Variants in BICC1 observed in about 807,000 individuals in gnomAD.
BICC1 encodes BicC family RNA binding protein 1.
In BICC1, 43 loss-of-function variants were observed where a neutral mutation model predicts 111.0. That is an observed-to-expected ratio of 0.39 (90% CI 0.30 to 0.50). The LOEUF is 0.50. Among genes scored for constraint, BICC1 ranks in the 20% least tolerant of loss-of-function variants. BICC1 has a pLI of 0.88. For synonymous variants in BICC1, 467 were observed against 434.4 expected (o/e 1.07, Z -0.93); for missense variants, 1,091 against 1,203.2 (o/e 0.91, Z 1.38).
intron 2 of BICC1, among the ~76,000 whole-genome samples, chr10:58,626,044 A>T (rs1316611608): frequency 1.3e-5 from 2 of 152,224 alleles, no homozygotes; most frequent in Non-Finnish European, 2.9e-5. Flanking sequence ...TAAGATCCAG[A>T]TATTTTAAAG....
chr10:58,696,736 A>C (rs761344590), intron 2 of BICC1, among the ~76,000 whole-genome samples: 4 of 152,240 alleles, frequency 2.6e-5, no homozygotes, highest in Non-Finnish European at 4.4e-5. Flanking sequence ...TAGCAAAATC[A>C]TACAGCATCC....
Position 58,587,172 on chromosome 10 carries a change from G to A in BICC1, c.191-33683G>A, listed in dbSNP as rs1052842931. Among the ~76,000 whole-genome samples the A allele has an allele frequency of 3.3e-5, 5 of 152,202 alleles. No individual in the cohort carries two copies. The South Asian group carries it at 6.2e-4, about 19-fold the overall frequency. Reference sequence around the variant, plus strand: ...ATTTTAGAAGCTTCTTGGTCCTTCCGTCTTCTTCTGTGTTCATGCATACGT... The same window carrying A: ...ATTTTAGAAGCTTCTTGGTCCTTCCATCTTCTTCTGTGTTCATGCATACGT... On this transcript the variant is annotated intron_variant, in intron 1 of 20. Coordinates refer to ENST00000373886, the MANE Select transcript of BICC1 (RefSeq NM_001080512.3).
intron 1 of BICC1, among the ~76,000 whole-genome samples, chr10:58,599,929 G>GGTGT (rs59937252): frequency 0.42 from 62,932 of 149,696 alleles, 13,932 homozygotes; most frequent in Admixed American, 0.58. Context: ...AACTAAAGAG[G>GGTGT]GTGTGTGTGT....
intron 18 of BICC1, among the ~76,000 whole-genome samples, chr10:58,815,185 A>G (rs1844049817): frequency 6.6e-6 from 1 of 152,200 alleles, no homozygotes. Context: ...CTAGATGAGC[A>G]TGGTAGACAC....
At chr10:58,563,084 G>A (rs574137488) in intron 1 of BICC1, among the ~76,000 whole-genome samples, 18 of 152,228 alleles carry the variant, frequency 1.2e-4, no homozygotes, top group South Asian at 4.1e-4. Context: ...AGTCATTGCC[G>A]TACCACTGGG....
chr10:58,627,794 A>G (rs1193577819), intron 2 of BICC1, among the ~76,000 whole-genome samples: 2 of 152,214 alleles, frequency 1.3e-5, no homozygotes, highest in South Asian at 2.1e-4. Flanking sequence ...TACGTAGAAC[A>G]TTATCAGAGA....
chr10:58,804,181 T>A (rs893589030), intron 15 of BICC1, among the ~76,000 whole-genome samples: 1 of 152,182 alleles, frequency 6.6e-6, no homozygotes, highest in Non-Finnish European at 1.5e-5. Context: ...AATTTTTTTT[T>A]AAATAAAAGC....
At chr10:58,711,238 G>C (rs911134134) in intron 3 of BICC1, among the ~76,000 whole-genome samples, 1 of 152,174 alleles carries the variant, frequency 6.6e-6, no homozygotes, top group East Asian at 1.9e-4. Flanking sequence ...TTCACCCAAA[G>C]AGTTGAATAA....
intron 1 of BICC1, among the ~76,000 whole-genome samples, chr10:58,611,023 A>G (rs2132106146): frequency 6.6e-6 from 1 of 152,296 alleles, no homozygotes; most frequent in Middle Eastern, 3.4e-3. Flanking sequence ...TCCATTATCT[A>G]TCTCTGATAT....
At chr10:58,568,504 C>T (rs1589106168) in intron 1 of BICC1, among the ~76,000 whole-genome samples, 1 of 152,148 alleles carries the variant, frequency 6.6e-6, no homozygotes. Context: ...ATCTGTTCAC[C>T]TCAAAGATTA....
chr10:58,552,904 TCCACG>T (rs1843335363), intron 1 of BICC1, among the ~76,000 whole-genome samples: 1 of 152,190 alleles, frequency 6.6e-6, no homozygotes, highest in Non-Finnish European at 1.5e-5. Flanking sequence ...TGTAGAACAT[TCCACG>T]TAGGCATGGG....
chr10:58,615,744 T>G (rs534830852), intron 1 of BICC1, among the ~76,000 whole-genome samples: 1 of 152,208 alleles, frequency 6.6e-6, no homozygotes. Flanking sequence ...CCCCACTGAT[T>G]CCAGGTTGGG....
intron 2 of BICC1, among the ~76,000 whole-genome samples, chr10:58,682,475 T>G (rs1485508045): frequency 6.6e-6 from 1 of 152,186 alleles, no homozygotes; most frequent in African/African-American, 2.4e-5. Context: ...CTAGTTTACA[T>G]TCCCACCAGC....
chr10:58,757,106 C>A (rs1374740396), intron 3 of BICC1, among the ~76,000 whole-genome samples: 1 of 152,168 alleles, frequency 6.6e-6, no homozygotes. Flanking sequence ...GGATGCTGAA[C>A]AGGACTTATC....
intron 1 of BICC1, among the ~76,000 whole-genome samples, chr10:58,569,022 T>C (rs1649041): frequency 0.46 from 69,955 of 152,080 alleles, 17,119 homozygotes; most frequent in Admixed American, 0.62. Context: ...TTGGGGTTAT[T>C]CCTAAGAATT....
At chr10:58,745,602 G>GCCCCCCCCCCCCCC (rs35346412) in intron 3 of BICC1, among the ~76,000 whole-genome samples, 1 of 78,696 alleles carries the variant, frequency 1.3e-5, no homozygotes. Context: ...GCCCCCCACC[G>GCCCCCCCCCCCCCC]CCCCCCCCCC....
intron 1 of BICC1, among the ~76,000 whole-genome samples, chr10:58,523,032 T>A (rs1465535929): frequency 6.6e-6 from 1 of 152,096 alleles, no homozygotes; most frequent in Non-Finnish European, 1.5e-5. Flanking sequence ...AATAGACCAA[T>A]AACAGGCTCT....
chr10:58,656,854 G>T (rs1012901541), intron 2 of BICC1, among the ~76,000 whole-genome samples: 2 of 152,118 alleles, frequency 1.3e-5, no homozygotes, highest in African/African-American at 4.8e-5. Context: ...CGGAACTTCC[G>T]ACCTTCAGTA....
At chr10:58,725,291 T>TC (rs1564576457) in intron 3 of BICC1, among the ~76,000 whole-genome samples, 2 of 152,228 alleles carry the variant, frequency 1.3e-5, no homozygotes, top group South Asian at 4.1e-4. Flanking sequence ...CTTAGCCTGA[T>TC]CGTTCCATCT....
Sources: allele counts gnomAD v4.1 joint callset (sites outside exome capture counted in the v4.1 genomes callset), GRCh38; gene constraint gnomAD v4.1.1; transcripts MANE v1.5; gene names NCBI Gene and HGNC (gene_info 2026-07-23, HGNC 2026-07-21).